The following CDH8 variants were observed in gnomAD, a reference collection of about 807,000 sequenced individuals.
CDH8 encodes the protein cadherin 8, also known as cadherin-8.
A neutral mutation model predicts 68.1 loss-of-function variants in CDH8; 17 were observed. That is an observed-to-expected ratio of 0.25 (90% CI 0.17 to 0.37). CDH8 has a LOEUF of 0.37. Among genes scored for constraint, CDH8 ranks in the 10% least tolerant of loss-of-function variants. The pLI is 1.00. For synonymous variants in CDH8, 372 were observed against 365.1 expected (o/e 1.02, Z -0.21); for missense variants, 763 against 999.3 (o/e 0.76, Z 3.19).
chr16:61,824,359 C>T (rs923188145), intron 5 of CDH8, among the ~76,000 whole-genome samples: 2 of 151,794 alleles, frequency 1.3e-5, no homozygotes, highest in East Asian at 3.9e-4. Context: ...TTCAAGAGTC[C>T]CCATGTCAGA....
intron 2 of CDH8, among the ~76,000 whole-genome samples, chr16:61,981,991 G>A (rs1965540311): frequency 6.6e-6 from 1 of 152,050 alleles, no homozygotes; most frequent in Non-Finnish European, 1.5e-5. Flanking sequence ...AGGAAAGAAA[G>A]TCATTATTCT....
intron 5 of CDH8, among the ~76,000 whole-genome samples, chr16:61,822,482 C>T (rs372129674): frequency 3.3e-5 from 5 of 151,708 alleles, no homozygotes; most frequent in South Asian, 2.1e-4. Context: ...AATTCTCATT[C>T]GAGCTCAAAT....
intron 2 of CDH8, among the ~76,000 whole-genome samples, chr16:61,991,801 A>G (rs1183126137): frequency 6.6e-6 from 1 of 152,076 alleles, no homozygotes; most frequent in Non-Finnish European, 1.5e-5. Context: ...TCTTTTCTAA[A>G]TGGAACTGAG....
intron 2 of CDH8, among the ~76,000 whole-genome samples, chr16:61,969,705 A>G (rs1363993470): frequency 6.6e-6 from 1 of 152,208 alleles, no homozygotes; most frequent in Non-Finnish European, 1.5e-5. Context: ...CTCATTCCTG[A>G]TCCCCTTACT....
chr16:61,995,673 G>A (rs1289377033), intron 2 of CDH8, among the ~76,000 whole-genome samples: 4 of 152,114 alleles, frequency 2.6e-5, no homozygotes, highest in South Asian at 2.1e-4. Flanking sequence ...CATGGCTCCC[G>A]GCCTACTTTT....
intron 2 of CDH8, among the ~76,000 whole-genome samples, chr16:61,958,829 T>C (rs1234725310): frequency 1.3e-5 from 2 of 152,198 alleles, no homozygotes; most frequent in African/African-American, 2.4e-5. Context: ...GACAATTTCC[T>C]TCTCTACTCA....
intron 8 of CDH8, among the ~76,000 whole-genome samples, chr16:61,768,304 G>GTGTCTCTCTCTCTCTC: frequency 1.4e-5 from 1 of 73,734 alleles, no homozygotes; most frequent in Admixed American, 1.4e-4. Context: ...CTCTCTCTGT[G>GTGTCTCTCTCTCTCTC]TCTCTCCCTT....
intron 8 of CDH8, among the ~76,000 whole-genome samples, chr16:61,770,423 A>C (rs1173292459): frequency 1.3e-5 from 2 of 151,880 alleles, no homozygotes; most frequent in Non-Finnish European, 2.9e-5. Context: ...GCCATTCTTC[A>C]ACCAAAGTTA....
chr16:61,982,762 G>A (rs145324851), intron 2 of CDH8, among the ~76,000 whole-genome samples: 1,849 of 152,216 alleles, frequency 0.012, 26 homozygotes, highest in Admixed American at 0.026. Flanking sequence ...GTTTCACAAC[G>A]TCTGAATCAA....
At chr16:61,987,452 A>G (rs1333528147) in intron 2 of CDH8, among the ~76,000 whole-genome samples, 1 of 152,184 alleles carries the variant, frequency 6.6e-6, no homozygotes, top group Non-Finnish European at 1.5e-5. Flanking sequence ...GGTTGCAGTG[A>G]GCCAAGAACA....
At chr16:61,753,521 T>C (rs1217095586) in intron 8 of CDH8, among the ~76,000 whole-genome samples, 1 of 152,200 alleles carries the variant, frequency 6.6e-6, no homozygotes, top group Non-Finnish European at 1.5e-5. Context: ...ATTATAGGCA[T>C]GAGCCACCAC....
intron 4 of CDH8, among the ~76,000 whole-genome samples, chr16:61,852,901 C>CCTTCCTTCCATT (rs1962969964): frequency 6.9e-6 from 1 of 145,972 alleles, no homozygotes; most frequent in Non-Finnish European, 1.5e-5. Flanking sequence ...TTCCATTCTT[C>CCTTCCTTCCATT]CTTCCTTCCT....
intron 2 of CDH8, among the ~76,000 whole-genome samples, chr16:61,933,088 C>G (rs1964571559): frequency 6.6e-6 from 1 of 152,148 alleles, no homozygotes; most frequent in Non-Finnish European, 1.5e-5. Context: ...CCTAATAACA[C>G]TGAGAGTGAG....
chr16:61,823,331 A>C (rs1962258246), intron 5 of CDH8, among the ~76,000 whole-genome samples: 1 of 151,754 alleles, frequency 6.6e-6, no homozygotes, highest in African/African-American at 2.4e-5. Context: ...TTAACTCTTT[A>C]AAAAACAGAT....
intron 10 of CDH8, among the ~76,000 whole-genome samples, chr16:61,696,460 CAG>C (rs1423994180): frequency 2.6e-5 from 4 of 152,174 alleles, no homozygotes; most frequent in African/African-American, 9.7e-5. Flanking sequence ...AGTCAAAAAA[CAG>C]ATGCTGGCGA....
intron 10 of CDH8, among the ~76,000 whole-genome samples, chr16:61,665,010 G>A (rs1271328936): frequency 2.0e-5 from 3 of 152,124 alleles, no homozygotes; most frequent in East Asian, 3.9e-4. Flanking sequence ...AACTAAATAC[G>A]TAAATAATTC....
At chr16:61,744,015 G>A (rs1959951029) in intron 8 of CDH8, among the ~76,000 whole-genome samples, 2 of 152,102 alleles carry the variant, frequency 1.3e-5, no homozygotes, top group Admixed American at 1.3e-4. Context: ...CTACTGCTCA[G>A]AAGGTATATA....
intron 3 of CDH8, among the ~76,000 whole-genome samples, chr16:61,887,125 C>T (rs1465607441): frequency 1.3e-5 from 2 of 151,986 alleles, no homozygotes. Context: ...ATTTAGTAAA[C>T]AGATTGTCCA....
In CDH8 at chr16:61,821,174, G is replaced by A. The variant is rs1453837641; in HGVS notation, c.836-61C>T. The A allele has an allele frequency of 2.9e-6, 4 of 1,364,464 alleles. No individual in the cohort carries two copies. The African/African-American group carries it at 4.3e-5, about 15-fold the overall frequency. The allele number at this position is 1,364,464 out of a possible 1,614,324, so 84.5% of individuals were successfully genotyped here. A position where few individuals can be genotyped will look rare whatever the true frequency, so the allele number is the denominator to read the frequency against. On this transcript the variant is annotated intron_variant, in intron 5 of 11. Coordinates refer to ENST00000577390, the MANE Select transcript of CDH8 (RefSeq NM_001796.5). ...ATTCCAACCATTCATTCATTCATATGGCAAATATCTTTTGGGCACCTCCTT... is the reference window on the plus strand; with the variant it reads ...ATTCCAACCATTCATTCATTCATATAGCAAATATCTTTTGGGCACCTCCTT...
Sources: allele counts gnomAD v4.1 joint callset (sites outside exome capture counted in the v4.1 genomes callset), GRCh38; gene constraint gnomAD v4.1.1; transcripts MANE v1.5; gene names NCBI Gene and HGNC (gene_info 2026-07-23, HGNC 2026-07-21).